Variants in HIVEP1 observed in about 807,000 individuals in gnomAD.
HIVEP1 encodes the protein HIVEP zinc finger 1.
Under a neutral mutation model 180.0 loss-of-function variants are expected in HIVEP1, and 36 were observed. That is an observed-to-expected ratio of 0.20 (90% CI 0.15 to 0.26). The LOEUF (loss-of-function observed/expected upper bound fraction) is 0.26. Among genes scored for constraint, HIVEP1 ranks in the 10% least tolerant of loss-of-function variants. HIVEP1 has a pLI of 1.00. For missense variants in HIVEP1, 3,143 were observed against 3,268.7 expected (o/e 0.96, Z 0.94); for synonymous variants, 1,239 against 1,239.0 (o/e 1.00, Z 0.00).
In HIVEP1 at chr6:12,129,816, G is replaced by A. The variant is rs1196222123; in HGVS notation, c.6133G>A (p.Glu2045Lys). The A allele has an allele frequency of 3.8e-6, 6 of 1,591,930 alleles. No individual in the cohort carries two copies. The South Asian group carries it at 4.4e-5, about 12-fold the overall frequency. ...VVEFSNKDAS[E>K]INSEQDKENS... The stretch of plus-strand genomic sequence containing the variant: ...TGAATTCAGCAATAAAGATGCCTCT[G>A]AAATTAACAGTGAGCAAGATAAAGA... The change falls in exon 5 of 9, where the codon GAA (glutamate) becomes AAA (lysine). Residue 2045 changes from glutamate (E) to lysine (K), a missense_variant. Physicochemically the swap from Glu to Lys is moderately conservative, Grantham distance 56 (BLOSUM62 1). Around this residue, in one of 12 missense-constraint regions of HIVEP1, gnomAD observed 1,357 missense variants for 1,260.5 expected, o/e 1.08. Transcript: ENST00000379388.
At chr6:12,195,206 G>GA in the HIVEP1 span, among the ~76,000 whole-genome samples, 1 of 152,174 alleles carries the variant, frequency 6.6e-6, no homozygotes, top group Admixed American at 6.5e-5. Flanking sequence ...AAAGTTGGAC[G>GA]AATCTAGCTA....
chr6:12,198,035 T>G, the HIVEP1 span, among the ~76,000 whole-genome samples: 10 of 152,144 alleles, frequency 6.6e-5, no homozygotes, highest in African/African-American at 2.4e-4. Flanking sequence ...AAAGCATAGG[T>G]GACTAGGAGA....
Position 12,089,274 on chromosome 6 carries a change from T to TG in HIVEP1, c.94+38dup, listed in dbSNP as rs1329718799. 4 of 1,168,276 alleles carry TG rather than the reference T, an allele frequency of 3.4e-6. No homozygotes were observed. The Admixed American group carries it at 5.3e-5, about 15-fold the overall frequency. 72.4% of individuals were successfully genotyped at this position (1,168,276 alleles called of 1,614,324 possible). Reference sequence around the variant, plus strand: ...TCAGCTTGAATGTAAACTTTATTCTTGCAATGATGCCTATACATATACCTC... The same window carrying TG: ...TCAGCTTGAATGTAAACTTTATTCTTGGCAATGATGCCTATACATATACCTC... On this transcript the variant is annotated intron_variant, in intron 3 of 8. Coordinates refer to ENST00000379388, the MANE Select transcript of HIVEP1 (RefSeq NM_002114.4).
chr6:12,009,151 G>C (rs1431531068), upstream of HIVEP1, among the ~76,000 whole-genome samples: 1 of 146,192 alleles, frequency 6.8e-6, no homozygotes, highest in Non-Finnish European at 1.5e-5. Flanking sequence ...CGGCGCTGCC[G>C]GGCCGCGCGC....
intron 2 of HIVEP1, among the ~76,000 whole-genome samples, chr6:12,083,845 G>A (rs1223039032): frequency 6.6e-6 from 1 of 152,042 alleles, no homozygotes; most frequent in African/African-American, 2.4e-5. Context: ...TGTTGCTTCT[G>A]AATATTGAAA....
intron 2 of HIVEP1, chr6:12,020,127 G>C (rs1768089292): frequency 3.5e-6 from 1 of 289,332 alleles, no homozygotes; most frequent in Non-Finnish European, 7.1e-6. Context: ...GACAGTGTCC[G>C]ACTTGATGGG....
intron 2 of HIVEP1, among the ~76,000 whole-genome samples, chr6:12,051,660 A>G (rs1770549956): frequency 6.6e-6 from 1 of 151,576 alleles, no homozygotes; most frequent in Non-Finnish European, 1.5e-5. Context: ...CAGTCTAACC[A>G]TTTTTTTTGT....
intron 3 of HIVEP1, among the ~76,000 whole-genome samples, chr6:12,107,724 CAA>C (rs563252927): frequency 7.4e-4 from 113 of 152,270 alleles, no homozygotes; most frequent in Admixed American, 2.9e-3. Context: ...GGATTTGTTG[CAA>C]AGAGTGAAAG....
intron 2 of HIVEP1, among the ~76,000 whole-genome samples, chr6:12,087,351 A>G (rs141540924): frequency 3.4e-4 from 52 of 152,220 alleles, no homozygotes; most frequent in African/African-American, 1.3e-3. Context: ...TTAAGCCACA[A>G]CTGATTCTAT....
intron 2 of HIVEP1, chr6:12,037,628 A>C (rs975335613): frequency 2.5e-6 from 1 of 392,384 alleles, no homozygotes; most frequent in Non-Finnish European, 4.5e-6. Context: ...AGATAGTAGC[A>C]GTGAGTGTTT....
rs1329471260 is a variant in HIVEP1 at position 12,069,698 on chromosome 6, T to A, written c.41-19486T>A. 4.6e-5 allele frequency among the ~76,000 whole-genome samples: 7 copies of A among 151,842 alleles called. No homozygotes were observed. In the East Asian group the frequency reaches 1.4e-3, roughly 29 times the overall value. ...GTAACTAACCTGCACATTGTGCACA[T>A]GTACCCTAAAACTTAAAGTATAATA... On this transcript the variant is annotated intron_variant, in intron 2 of 8. Transcript: ENST00000379388.
At chr6:12,084,403 G>A (rs1202191552) in intron 2 of HIVEP1, among the ~76,000 whole-genome samples, 12 of 152,094 alleles carry the variant, frequency 7.9e-5, no homozygotes, top group Admixed American at 1.3e-4. Flanking sequence ...TGTGAAACTC[G>A]GAGGTTAAAA....
At chr6:12,011,825 GCGCCCCTCGCC>G (rs1319917044), upstream of HIVEP1, among the ~76,000 whole-genome samples, 1 of 146,302 alleles carries the variant, frequency 6.8e-6, no homozygotes, top group East Asian at 2.0e-4. Flanking sequence ...TGGGCGTCCC[GCGCCCCTCGCC>G]CCGGCCTCAA....
rs1297358866 is a variant in HIVEP1 at position 12,163,649 on chromosome 6, T to A, written c.7345T>A (p.Ser2449Thr). The change falls in exon 9 of 9, where the codon TCT becomes ACT. Residue 2449 changes from serine to threonine, a missense_variant. Ser to Thr is a moderately conservative substitution (Grantham distance 58). Transcript: ENST00000379388. ...GTHRNTVTEVSGTTNPAGVAE... is the reference protein window; with the variant it reads ...GTHRNTVTEVTGTTNPAGVAE... ...TCATAGGAATACGGTCACAGAAGTG[T>A]CTGGCACTACAAACCCTGCTGGAGT... is the stretch of plus-strand genomic sequence containing the variant. The A allele has an allele frequency of 1.9e-6, 3 of 1,614,066 alleles. No homozygotes were observed. The highest frequency in any genetic ancestry group is 2.7e-5 in the African/African-American group (2 of 74,910).
downstream of HIVEP1, among the ~76,000 whole-genome samples, chr6:12,166,701 A>G (rs1050936792): frequency 1.2e-4 from 18 of 152,238 alleles, no homozygotes; most frequent in African/African-American, 4.3e-4. Flanking sequence ...ACTCCCAAAT[A>G]TAAACGACTT....
chr6:12,034,094 T>C (rs1000523207), intron 2 of HIVEP1, among the ~76,000 whole-genome samples: 15 of 152,234 alleles, frequency 9.9e-5, no homozygotes. Flanking sequence ...GCCAGTAACA[T>C]ACATGATAGA....
chr6:12,152,781 A>C (rs1342811822), intron 7 of HIVEP1, among the ~76,000 whole-genome samples: 1 of 151,186 alleles, frequency 6.6e-6, no homozygotes, highest in African/African-American at 2.4e-5. Flanking sequence ...AGCTACAGGC[A>C]TGTGGCTCAT....
intron 2 of HIVEP1, among the ~76,000 whole-genome samples, chr6:12,022,614 A>T (rs1026388342): frequency 1.3e-5 from 2 of 152,228 alleles, no homozygotes; most frequent in African/African-American, 4.8e-5. Context: ...ATGAGATGAT[A>T]TGGCAAATGT....
At chr6:12,156,428 G>T (rs1178386208) in intron 7 of HIVEP1, among the ~76,000 whole-genome samples, 1 of 152,068 alleles carries the variant, frequency 6.6e-6, no homozygotes, top group African/African-American at 2.4e-5. Context: ...TAAAGAAGGG[G>T]TCCAGTTTCA....
Sources: gnomAD v4.1 joint callset for allele counts (sites outside exome capture counted in the v4.1 genomes callset) on GRCh38, gnomAD v4.1.1 for gene constraint, gnomAD v4.1.1 regional missense constraint, MANE v1.5 for transcripts, NCBI Gene and HGNC (gene_info 2026-07-23, HGNC 2026-07-21) for gene names.